The following TANC1 variants were observed in gnomAD, a reference collection of about 807,000 sequenced individuals.
The protein encoded by TANC1 is protein TANC1.
A neutral mutation model predicts 149.7 loss-of-function variants in TANC1; 77 were observed. That is an observed-to-expected ratio of 0.51 (90% CI 0.43 to 0.62). The LOEUF is 0.62. Ranked by LOEUF, TANC1 falls within the 20% of genes least tolerant of loss-of-function variation. The pLI is 0.00. For missense variants in TANC1, 1,985 were observed against 2,321.8 expected (o/e 0.85, Z 2.98); for synonymous variants, 854 against 925.0 (o/e 0.92, Z 1.39).
At chr2:159,027,798 G>A (rs1052645522) in intron 2 of TANC1, among the ~76,000 whole-genome samples, 2 of 152,110 alleles carry the variant, frequency 1.3e-5, no homozygotes, top group South Asian at 2.1e-4. Flanking sequence ...TATAAAAAAG[G>A]GAAAATTATT....
intron 2 of TANC1, among the ~76,000 whole-genome samples, chr2:159,037,855 T>G (rs1410254065): frequency 6.6e-6 from 1 of 152,242 alleles, no homozygotes; most frequent in Non-Finnish European, 1.5e-5. Context: ...TTTAGTTCCA[T>G]ATGGACTTTA....
At chr2:159,210,885 T>A (rs1272831829) in intron 19 of TANC1, among the ~76,000 whole-genome samples, 2 of 151,708 alleles carry the variant, frequency 1.3e-5, no homozygotes, top group Admixed American at 6.6e-5. Context: ...AATTTTTTTT[T>A]TTTTAAGATG....
chr2:159,212,747 C>T (rs1458693931), intron 19 of TANC1, among the ~76,000 whole-genome samples: 1 of 151,928 alleles, frequency 6.6e-6, no homozygotes, highest in Non-Finnish European at 1.5e-5. Context: ...ATGGTGAAAC[C>T]CTGTCTCTAC....
intron 4 of TANC1, among the ~76,000 whole-genome samples, chr2:159,124,177 G>T (rs927507661): frequency 1.3e-5 from 2 of 152,110 alleles, no homozygotes; most frequent in Admixed American, 6.5e-5. Flanking sequence ...GGCCAACATA[G>T]TGAAACCCTG....
In TANC1 at chr2:159,219,457, T is replaced by C. The variant is rs568925805; in HGVS notation, c.3502+96T>C. The C allele has an allele frequency of 3.7e-4, 577 of 1,547,258 alleles. 2 individuals are homozygous for C. Among genetic ancestry groups the C allele is most frequent in the Admixed American group, 7.8e-4 (44 of 56,216 alleles). ...GCTTTCTGATTCAAATTCTAAGTTT[T>C]CTGTTAATGGAAATTTTCTAATAAA... is the stretch of plus-strand genomic sequence containing the variant. On this transcript the variant is annotated intron_variant, in intron 21 of 26. Coordinates refer to ENST00000263635, the MANE Select transcript of TANC1 (RefSeq NM_033394.3).
chr2:159,039,768 C>T (rs550690649), intron 2 of TANC1, among the ~76,000 whole-genome samples: 4 of 152,180 alleles, frequency 2.6e-5, no homozygotes, highest in Admixed American at 1.3e-4. Context: ...GCTTTATTTC[C>T]GGCTATGTGG....
intron 4 of TANC1, among the ~76,000 whole-genome samples, chr2:159,113,701 T>C (rs1189653544): frequency 6.6e-6 from 1 of 152,238 alleles, no homozygotes; most frequent in African/African-American, 2.4e-5. Context: ...TGGAGGACTC[T>C]TGAAATCTAA....
At chr2:159,144,470 G>T (rs1255449201) in intron 5 of TANC1, among the ~76,000 whole-genome samples, 1 of 152,168 alleles carries the variant, frequency 6.6e-6, no homozygotes, top group African/African-American at 2.4e-5. Context: ...CCGCCTCCTG[G>T]GTTCAGGTGA....
In TANC1 at chr2:159,019,196, C is replaced by T. The variant is rs529917573; in HGVS notation, c.-16+18007C>T. On this transcript the variant is annotated intron_variant, in intron 2 of 26. Coordinates refer to ENST00000263635, the MANE Select transcript of TANC1 (RefSeq NM_033394.3). The stretch of plus-strand genomic sequence containing the variant: ...GTCTGCTCCAGAGCCCAAGCTCCTT[C>T]GAGCACCTTAGGTGCAAGGTGCACT... Among the ~76,000 whole-genome samples the T allele has an allele frequency of 5.9e-5, 9 of 152,266 alleles. No individual in the cohort carries two copies. In the East Asian group the frequency reaches 7.7e-4, roughly 13 times the overall value.
At chr2:159,073,805 T>A (rs975490199) in intron 3 of TANC1, among the ~76,000 whole-genome samples, 5 of 152,226 alleles carry the variant, frequency 3.3e-5, no homozygotes, top group Non-Finnish European at 7.3e-5. Flanking sequence ...TTTATTTCTA[T>A]CCTACAGGAA....
intron 1 of TANC1, among the ~76,000 whole-genome samples, chr2:158,978,289 A>G (rs1171983414): frequency 6.6e-6 from 1 of 152,192 alleles, no homozygotes; most frequent in African/African-American, 2.4e-5. Flanking sequence ...TTAGGAAGGC[A>G]GGGAGCTCCA....
At chr2:159,099,957 A>G (rs898768460) in intron 4 of TANC1, among the ~76,000 whole-genome samples, 13 of 152,228 alleles carry the variant, frequency 8.5e-5, no homozygotes, top group African/African-American at 2.9e-4. Flanking sequence ...TGCTTTTAAA[A>G]GTATCACTGA....
At chr2:159,150,235 CAT>C (rs1340733690) in intron 6 of TANC1, 133 bp from the exon 7 acceptor site, 10 of 661,600 alleles carry the variant, frequency 1.5e-5, no homozygotes, top group Non-Finnish European at 2.6e-5. Flanking sequence ...TCTATACACA[CAT>C]ATCTCTTTAG....
intron 4 of TANC1, among the ~76,000 whole-genome samples, chr2:159,122,759 T>C (rs1574815373): frequency 8.5e-6 from 1 of 117,100 alleles, no homozygotes; most frequent in East Asian, 2.1e-4. Context: ...TCTTTTTCTT[T>C]TTTCTTCTTT....
intron 2 of TANC1, among the ~76,000 whole-genome samples, chr2:159,062,187 G>A (rs1448029683): frequency 1.3e-5 from 2 of 152,156 alleles, no homozygotes; most frequent in Non-Finnish European, 2.9e-5. Flanking sequence ...GCAGTGAGCT[G>A]AGATTGTGCC....
chr2:159,149,483 G>A lies in TANC1; in HGVS notation c.495+211G>A, dbSNP rs920124699. The A allele has an allele frequency of 6.6e-6, 4 of 608,412 alleles. No homozygotes were observed. The Admixed American group carries it at 7.9e-5, about 12-fold the overall frequency. The allele number at this position is 608,412 out of a possible 1,614,324, so 37.7% of individuals were successfully genotyped here. A position where few individuals can be genotyped will look rare whatever the true frequency, so the allele number is the denominator to read the frequency against. On this transcript the variant is annotated intron_variant, in intron 6 of 26. Coordinates refer to ENST00000263635, the MANE Select transcript of TANC1 (RefSeq NM_033394.3). ...AGAAAGAAGCAGAACGTAAGAAAAT[G>A]TCCACATTAACCTTCTAGTCACCAC... is the stretch of plus-strand genomic sequence containing the variant.
intron 16 of TANC1, 40 bp from the exon 17 acceptor site, chr2:159,194,217 C>A: frequency 6.6e-7 from 1 of 1,522,296 alleles, no homozygotes; most frequent in Non-Finnish European, 9.1e-7. Context: ...GTTTAGATGA[C>A]ATACATGTGA....
intron 2 of TANC1, among the ~76,000 whole-genome samples, chr2:159,033,009 G>A (rs994838575): frequency 3.3e-5 from 5 of 152,084 alleles, no homozygotes; most frequent in South Asian, 2.1e-4. Context: ...GAAGCTCAAC[G>A]GAGGAAGACC....
intron 4 of TANC1, among the ~76,000 whole-genome samples, chr2:159,116,740 T>G (rs1477364197): frequency 6.6e-6 from 1 of 152,174 alleles, no homozygotes; most frequent in Non-Finnish European, 1.5e-5. Flanking sequence ...ATGTTAACTT[T>G]TGTCTCAGGA....
Sources: allele counts gnomAD v4.1 joint callset (sites outside exome capture counted in the v4.1 genomes callset), GRCh38; gene constraint gnomAD v4.1.1; transcripts MANE v1.5; gene names NCBI Gene and HGNC (gene_info 2026-07-23, HGNC 2026-07-21).